The following TMEM38A variants were observed in gnomAD, a reference collection of about 807,000 sequenced individuals.
The protein encoded by TMEM38A is trimeric intracellular cation channel type A.
A neutral mutation model predicts 28.6 loss-of-function variants in TMEM38A; 17 were observed. The observed-to-expected ratio is 0.60, with a 90% CI of 0.41 to 0.89. TMEM38A has a LOEUF of 0.89. Among genes scored for constraint, TMEM38A ranks in the 40% least tolerant of loss-of-function variants. TMEM38A has a pLI of 0.00. For missense variants in TMEM38A, 328 were observed against 393.1 expected (o/e 0.83, Z 1.40); for synonymous variants, 169 against 166.1 (o/e 1.02, Z -0.14).
intron 3 of TMEM38A, 150 bp from the exon 4 acceptor site, chr19:16,682,271 C>T (rs2086784861): frequency 1.5e-6 from 1 of 646,410 alleles, no homozygotes; most frequent in Non-Finnish European, 2.8e-6. Flanking sequence ...CCTCAGTTTC[C>T]CCACCTGCAG....
At chr19:16,671,575 G>A (rs1327970911) in intron 1 of TMEM38A, among the ~76,000 whole-genome samples, 1 of 151,942 alleles carries the variant, frequency 6.6e-6, no homozygotes, top group African/African-American at 2.4e-5. Context: ...CTTGCCCAAG[G>A]CCATGCTAGA....
intron 1 of TMEM38A, among the ~76,000 whole-genome samples, chr19:16,679,451 G>A (rs1174522415): frequency 5.9e-5 from 9 of 151,864 alleles, no homozygotes; most frequent in Non-Finnish European, 1.0e-4. Flanking sequence ...ATGCACTACC[G>A]TTCCCGGCTA....
intron 1 of TMEM38A, among the ~76,000 whole-genome samples, chr19:16,672,018 T>C (rs963821832): frequency 1.3e-5 from 2 of 152,180 alleles, no homozygotes; most frequent in Non-Finnish European, 2.9e-5. Context: ...GTGTTTTAAA[T>C]AGACCCTAGG....
rs1402520064 is a variant in TMEM38A at position 16,680,509 on chromosome 19, G to A, written c.394G>A (p.Val132Met). 6.2e-7 allele frequency: 1 copy of A among 1,614,174 alleles called. No homozygotes were observed. The highest frequency in any genetic ancestry group is 1.7e-5 in the Admixed American group (1 of 60,010). Reference sequence around the variant, plus strand: ...GGTGGTGCGAGTCCGCAAGATCGCGGTGGGCATCCATCACGCCCATCACCA... The same window carrying A: ...GGTGGTGCGAGTCCGCAAGATCGCGATGGGCATCCATCACGCCCATCACCA... ...KEVVRVRKIA[V>M]GIHHAHHHYH... is the part of the protein sequence containing the mutation. Residue 132 changes from valine (V) to methionine (M), a missense_variant, in exon 3 of 6, where the codon GTG (valine) becomes ATG (methionine). Val to Met is a conservative substitution (Grantham distance 21). Coordinates refer to ENST00000187762, the MANE Select transcript of TMEM38A (RefSeq NM_024074.4).
At chr19:16,687,732 C>T (rs1038682989) in intron 5 of TMEM38A, among the ~76,000 whole-genome samples, 1 of 152,096 alleles carries the variant, frequency 6.6e-6, no homozygotes, top group Non-Finnish European at 1.5e-5. Flanking sequence ...GAGGGCTCCA[C>T]CCTTATGATC....
chr19:16,680,389 C>G lies in TMEM38A; in HGVS notation c.282-8C>G. The stretch of plus-strand genomic sequence containing the variant: ...ATCCCCTGGCACTCACTGTTCTCTC[C>G]CCAAAAGGTACTTGATTTTCTTCTG... On this transcript the variant is annotated splice_polypyrimidine_tract_variant and splice_region_variant and intron_variant, in intron 2 of 5. Transcript: ENST00000187762. The G allele has an allele frequency of 2.5e-6, 4 of 1,614,038 alleles. No homozygotes were observed. In the South Asian group the frequency reaches 3.3e-5, roughly 13 times the overall value.
At chr19:16,668,434 A>G (rs1476427662) in intron 1 of TMEM38A, among the ~76,000 whole-genome samples, 1 of 146,910 alleles carries the variant, frequency 6.8e-6, no homozygotes, top group Non-Finnish European at 1.5e-5. Context: ...AATGCCAGCT[A>G]CTCCGGAGGC....
intron 1 of TMEM38A, among the ~76,000 whole-genome samples, chr19:16,667,105 C>T (rs1026781655): frequency 7.2e-5 from 11 of 151,912 alleles, no homozygotes; most frequent in Non-Finnish European, 1.2e-4. Flanking sequence ...CCTGTCTCTT[C>T]TAAAAATACA....
At chr19:16,677,265 G>A (rs922203098) in intron 1 of TMEM38A, among the ~76,000 whole-genome samples, 4 of 152,072 alleles carry the variant, frequency 2.6e-5, no homozygotes, top group African/African-American at 7.2e-5. Context: ...GACATCTTAT[G>A]TAATGATAGT....
At chr19:16,686,907 C>T (rs2431808) in intron 5 of TMEM38A, among the ~76,000 whole-genome samples, 106,020 of 151,972 alleles carry the variant, frequency 0.7, 41,875 homozygotes, top group East Asian at 0.91. Flanking sequence ...CTGCATTAGG[C>T]GAGAAGGGAG....
At chr19:16,687,063 AGGCACG>A (rs2086804884) in intron 5 of TMEM38A, among the ~76,000 whole-genome samples, 1 of 152,170 alleles carries the variant, frequency 6.6e-6, no homozygotes, top group African/African-American at 2.4e-5. Context: ...ATTCCTGGGC[AGGCACG>A]GGGGCTCATG....
intron 1 of TMEM38A, among the ~76,000 whole-genome samples, chr19:16,663,694 A>T (rs913759407): frequency 4.0e-5 from 6 of 149,482 alleles, no homozygotes; most frequent in African/African-American, 1.5e-4. Flanking sequence ...ATGCCCGGCT[A>T]ATTTTTTTTT....
At chr19:16,680,371 G>C (rs1291699066) in intron 2 of TMEM38A, 26 bp from the exon 3 acceptor site, 1 of 1,612,426 alleles carries the variant, frequency 6.2e-7, no homozygotes, top group Non-Finnish European at 8.5e-7. Flanking sequence ...CCCATCCCCT[G>C]GCACTCACTG....
intron 1 of TMEM38A, among the ~76,000 whole-genome samples, chr19:16,670,611 A>G (rs2086723074): frequency 1.3e-5 from 2 of 152,032 alleles, no homozygotes; most frequent in South Asian, 4.2e-4. Context: ...TGGTGTGGTC[A>G]CCTTGTCCAG....
At chr19:16,670,392 A>G (rs1055055847) in intron 1 of TMEM38A, among the ~76,000 whole-genome samples, 10 of 151,388 alleles carry the variant, frequency 6.6e-5, no homozygotes, top group Admixed American at 3.3e-4. Flanking sequence ...CTCCTGCCTC[A>G]GCTGCCGGAG....
chr19:16,679,960 G>T, intron 1 of TMEM38A, 24 bp from the exon 2 acceptor site: 1 of 1,574,064 alleles, frequency 6.4e-7, no homozygotes. Context: ...TGGTGATGAT[G>T]GGGGACACTC....
intron 5 of TMEM38A, 28 bp from the exon 6 acceptor site, chr19:16,688,116 T>C (rs2547112): frequency 0.84 from 1,177,508 of 1,404,486 alleles, 503,419 homozygotes; most frequent in East Asian, 0.91. Context: ...CTGTCTCTCT[T>C]GCTGTCTCCC....
At chr19:16,669,374 T>G (rs1421747871) in intron 1 of TMEM38A, among the ~76,000 whole-genome samples, 1 of 151,508 alleles carries the variant, frequency 6.6e-6, no homozygotes, top group Non-Finnish European at 1.5e-5. Context: ...GCCCAGCTAA[T>G]TTTTGTGTTT....
In TMEM38A at chr19:16,680,574, G is replaced by C. The variant is rs1202115153; in HGVS notation, c.459G>C (p.Trp153Cys). The change falls in exon 3 of 6, where the codon TGG becomes TGC. Residue 153 changes from tryptophan (W) to cysteine (C), a missense_variant. Coordinates refer to ENST00000187762, the MANE Select transcript of TMEM38A (RefSeq NM_024074.4). ...GGTTCGTCATGATTGCAACTGGGTGGGTCAAAGGTAAATAGGATGATGACA... is the reference window on the plus strand; with the variant it reads ...GGTTCGTCATGATTGCAACTGGGTGCGTCAAAGGTAAATAGGATGATGACA... ...HGWFVMIATG[W>C]VKGSGVALMS... 1.9e-6 allele frequency: 3 copies of C among 1,613,352 alleles called. No individual in the cohort carries two copies. Among genetic ancestry groups the C allele is most frequent in the East Asian group, 4.5e-5 (2 of 44,864 alleles).
Sources: allele counts gnomAD v4.1 joint callset (sites outside exome capture counted in the v4.1 genomes callset), GRCh38; gene constraint gnomAD v4.1.1; transcripts MANE v1.5; gene names NCBI Gene and HGNC (gene_info 2026-07-23, HGNC 2026-07-21).